Variants in SLC24A2 observed in about 807,000 individuals in gnomAD.
SLC24A2 encodes the protein sodium/potassium/calcium exchanger 2.
Under a neutral mutation model 62.0 loss-of-function variants are expected in SLC24A2, and 36 were observed. The ratio of observed to expected loss-of-function variants is 0.58; its 90% CI spans 0.44 to 0.77. SLC24A2 has a LOEUF of 0.77. Among genes scored for constraint, SLC24A2 ranks in the 30% least tolerant of loss-of-function variants. The pLI, the probability that SLC24A2 is intolerant of heterozygous loss-of-function variation, is 0.00. For missense variants in SLC24A2, 846 were observed against 817.9 expected (o/e 1.03, Z -0.42); for synonymous variants, 358 against 294.0 (o/e 1.22, Z -2.23).
chr9:19,920,788 C>CT, the SLC24A2 span, among the ~76,000 whole-genome samples: 1 of 152,140 alleles, frequency 6.6e-6, no homozygotes, highest in African/African-American at 2.4e-5. Context: ...AATGACTGAC[C>CT]TATACAACCT....
intron 7 of SLC24A2, among the ~76,000 whole-genome samples, chr9:19,561,865 A>C (rs544946904): frequency 6.6e-6 from 1 of 152,314 alleles, no homozygotes; most frequent in Non-Finnish European, 1.5e-5. Context: ...CCTAAACACA[A>C]CATGAGAAGG....
At chr9:20,140,458 A>G in the SLC24A2 span, among the ~76,000 whole-genome samples, 2 of 152,240 alleles carry the variant, frequency 1.3e-5, no homozygotes, top group Non-Finnish European at 2.9e-5. Flanking sequence ...CTGATGGTAA[A>G]CTTTCTATTC....
chr9:19,728,369 G>A (rs551574604), intron 2 of SLC24A2, among the ~76,000 whole-genome samples: 4 of 151,784 alleles, frequency 2.6e-5, no homozygotes, highest in African/African-American at 4.8e-5. Flanking sequence ...TGAAAGGAAT[G>A]ATATCTCATA....
At chr9:20,276,134 T>A in the SLC24A2 span, among the ~76,000 whole-genome samples, 1 of 152,272 alleles carries the variant, frequency 6.6e-6, no homozygotes. Context: ...AAGTCTTAAC[T>A]CATTTCAGCC....
chr9:20,179,986 A>T, the SLC24A2 span, among the ~76,000 whole-genome samples: 2 of 152,186 alleles, frequency 1.3e-5, no homozygotes, highest in Admixed American at 6.5e-5. Flanking sequence ...TAACCAACAC[A>T]GTATATTTAC....
At chr9:20,159,129 C>T in the SLC24A2 span, among the ~76,000 whole-genome samples, 3 of 151,576 alleles carry the variant, frequency 2.0e-5, no homozygotes, top group Non-Finnish European at 4.4e-5. Context: ...AAGATTTATA[C>T]CAAGGCAAGC....
At chr9:19,761,926 G>A (rs894806269) in intron 2 of SLC24A2, among the ~76,000 whole-genome samples, 4 of 152,108 alleles carry the variant, frequency 2.6e-5, no homozygotes, top group African/African-American at 9.7e-5. Context: ...GTCGTGAATA[G>A]TGCCGCAATA....
chr9:19,605,035 G>A (rs1326986503), intron 4 of SLC24A2, among the ~76,000 whole-genome samples: 1 of 152,172 alleles, frequency 6.6e-6, no homozygotes, highest in Non-Finnish European at 1.5e-5. Context: ...ACATAAGTCA[G>A]TTTAAAATCC....
chr9:19,924,477 G>C, the SLC24A2 span, among the ~76,000 whole-genome samples: 1 of 151,954 alleles, frequency 6.6e-6, no homozygotes, highest in African/African-American at 2.4e-5. Flanking sequence ...TGTCATCTTG[G>C]TCAGGTTTCC....
chr9:20,183,862 C>T, the SLC24A2 span, among the ~76,000 whole-genome samples: 2 of 124,042 alleles, frequency 1.6e-5, no homozygotes, highest in South Asian at 2.6e-4. Context: ...AAAATGCAAA[C>T]CTTGTATCAC....
At chr9:20,193,736 C>T in the SLC24A2 span, among the ~76,000 whole-genome samples, 3 of 151,942 alleles carry the variant, frequency 2.0e-5, no homozygotes, top group South Asian at 6.2e-4. Context: ...TAATTAGAGA[C>T]ACTAAGTTCT....
At chr9:19,877,836 G>A in the SLC24A2 span, among the ~76,000 whole-genome samples, 1 of 152,320 alleles carries the variant, frequency 6.6e-6, no homozygotes, top group Admixed American at 6.5e-5. Context: ...GGTTACAAGA[G>A]TGTACAACTT....
At chr9:19,752,268 C>T (rs565309495) in intron 2 of SLC24A2, among the ~76,000 whole-genome samples, 33 of 151,994 alleles carry the variant, frequency 2.2e-4, no homozygotes, top group Non-Finnish European at 4.4e-4. Context: ...GTAACTCACC[C>T]TAGGAAAGGG....
At chr9:20,161,804 A>G in the SLC24A2 span, among the ~76,000 whole-genome samples, 1 of 151,246 alleles carries the variant, frequency 6.6e-6, no homozygotes, top group South Asian at 2.1e-4. Flanking sequence ...TACCACACAC[A>G]TATCTATGTA....
At chr9:19,762,926 T>C (rs879101031) in intron 2 of SLC24A2, among the ~76,000 whole-genome samples, 4 of 152,038 alleles carry the variant, frequency 2.6e-5, no homozygotes, top group Non-Finnish European at 5.9e-5. Flanking sequence ...GCTGTTTTCA[T>C]GATATCGATT....
the SLC24A2 span, among the ~76,000 whole-genome samples, chr9:20,041,332 G>A: frequency 6.6e-6 from 1 of 152,216 alleles, no homozygotes; most frequent in Non-Finnish European, 1.5e-5. Flanking sequence ...AGTCCTCCAA[G>A]CAAAGAAGAA....
At chr9:19,984,077 TACA>T in the SLC24A2 span, among the ~76,000 whole-genome samples, 1 of 152,238 alleles carries the variant, frequency 6.6e-6, no homozygotes, top group African/African-American at 2.4e-5. Flanking sequence ...ACTTCTGACT[TACA>T]ACATTTTCAG....
At chr9:19,609,138 C>T (rs1296851796) in intron 4 of SLC24A2, among the ~76,000 whole-genome samples, 4 of 152,244 alleles carry the variant, frequency 2.6e-5, no homozygotes, top group East Asian at 1.9e-4. Context: ...TGTCCAGTGC[C>T]GTGCCTGCTG....
chr9:19,983,595 G>T, the SLC24A2 span, among the ~76,000 whole-genome samples: 1 of 152,096 alleles, frequency 6.6e-6, no homozygotes, highest in Non-Finnish European at 1.5e-5. Context: ...AGTGAGCCAA[G>T]ATCGCACCAC....
Sources: gnomAD v4.1 joint callset for allele counts (sites outside exome capture counted in the v4.1 genomes callset) on GRCh38, gnomAD v4.1.1 for gene constraint, MANE v1.5 for transcripts, NCBI Gene and HGNC (gene_info 2026-07-23, HGNC 2026-07-21) for gene names.